The following OR1J2 variants were observed in gnomAD, a reference collection of about 807,000 sequenced individuals.
OR1J2 encodes olfactory receptor family 1 subfamily J member 2.
For synonymous variants in OR1J2, 142 were observed against 99.7 expected, an observed-to-expected ratio of 1.42 and a Z score of -2.52; for missense variants, 304 against 246.1, an observed-to-expected ratio of 1.24 and a Z score of -1.57.
the OR1J2 span, among the ~76,000 whole-genome samples, chr9:122,551,553 G>A: frequency 6.6e-6 from 1 of 152,278 alleles, no homozygotes; most frequent in South Asian, 2.1e-4. Flanking sequence ...GTGCTGACTT[G>A]CCTAATGCAT....
chr9:122,491,842 C>T, the OR1J2 span, among the ~76,000 whole-genome samples: 10 of 152,028 alleles, frequency 6.6e-5, no homozygotes, highest in East Asian at 1.5e-3. Flanking sequence ...CTATAAACCA[C>T]GCAGCTCATC....
At chr9:122,501,695 A>AAAG in the OR1J2 span, among the ~76,000 whole-genome samples, 1 of 152,224 alleles carries the variant, frequency 6.6e-6, no homozygotes, top group Admixed American at 6.5e-5. Flanking sequence ...ACAGAGAATG[A>AAAG]AAGAACATTG....
the OR1J2 span, among the ~76,000 whole-genome samples, chr9:122,481,208 C>T: frequency 6.6e-6 from 1 of 152,104 alleles, no homozygotes; most frequent in Non-Finnish European, 1.5e-5. Context: ...TTTTCTTTTC[C>T]TGTGTTAGTT....
At chr9:122,472,437 C>G in the OR1J2 span, among the ~76,000 whole-genome samples, 1 of 152,208 alleles carries the variant, frequency 6.6e-6, no homozygotes, top group South Asian at 2.1e-4. Context: ...ACTCTTAAGA[C>G]CCAACTGGCA....
At chr9:122,522,887 G>A in the OR1J2 span, among the ~76,000 whole-genome samples, 3 of 152,254 alleles carry the variant, frequency 2.0e-5, no homozygotes, top group Non-Finnish European at 4.4e-5. Flanking sequence ...ATAACACCAC[G>A]AATAGTTGTG....
the OR1J2 span, among the ~76,000 whole-genome samples, chr9:122,555,583 T>A: frequency 6.6e-5 from 10 of 152,134 alleles, no homozygotes; most frequent in Admixed American, 6.5e-4. Flanking sequence ...AGCTACACCA[T>A]GCCATTTACA....
At chr9:122,522,270 C>G in the OR1J2 span, among the ~76,000 whole-genome samples, 1 of 152,122 alleles carries the variant, frequency 6.6e-6, no homozygotes, top group African/African-American at 2.4e-5. Flanking sequence ...ATGGACGTTT[C>G]AAGTGACCAG....
chr9:122,454,825 T>G, the OR1J2 span, among the ~76,000 whole-genome samples: 2 of 152,252 alleles, frequency 1.3e-5, no homozygotes, highest in African/African-American at 4.8e-5. Flanking sequence ...TTTAGGAATA[T>G]GCACAGTCAA....
chr9:122,486,261 A>G, the OR1J2 span, among the ~76,000 whole-genome samples: 2 of 152,180 alleles, frequency 1.3e-5, no homozygotes, highest in African/African-American at 2.4e-5. Flanking sequence ...TGCCCAGCCA[A>G]TGTAGGCATT....
At chr9:122,462,125 A>G in the OR1J2 span, among the ~76,000 whole-genome samples, 23 of 152,110 alleles carry the variant, frequency 1.5e-4, no homozygotes, top group Admixed American at 4.6e-4. Context: ...TATATGTGGA[A>G]TTGTCATATT....
the OR1J2 span, among the ~76,000 whole-genome samples, chr9:122,469,747 C>T: frequency 0.027 from 4,141 of 152,238 alleles, 93 homozygotes; most frequent in East Asian, 0.071. Context: ...ACAATGAAAT[C>T]CAGGCTGAGG....
the OR1J2 span, among the ~76,000 whole-genome samples, chr9:122,493,995 GTTTCC>G: frequency 6.6e-6 from 1 of 152,232 alleles, no homozygotes; most frequent in South Asian, 2.1e-4. Flanking sequence ...TGATTTTAAG[GTTTCC>G]TTTTGGAGTT....
the OR1J2 span, among the ~76,000 whole-genome samples, chr9:122,529,729 C>G: frequency 0.58 from 88,321 of 152,058 alleles, 27,596 homozygotes; most frequent in East Asian, 0.87. Context: ...GGCAATCCTT[C>G]CCTCTGTCAT....
chr9:122,464,642 C>G, the OR1J2 span, among the ~76,000 whole-genome samples: 1 of 152,184 alleles, frequency 6.6e-6, no homozygotes, highest in Non-Finnish European at 1.5e-5. Context: ...GTGAGAGTAC[C>G]TTTGGAAAAG....
chr9:122,539,414 T>C, the OR1J2 span, among the ~76,000 whole-genome samples: 3 of 152,182 alleles, frequency 2.0e-5, no homozygotes, highest in East Asian at 5.8e-4. Context: ...GGTTTCCAGC[T>C]TCACCCATGT....
chr9:122,501,019 A>G, the OR1J2 span, among the ~76,000 whole-genome samples: 1 of 152,218 alleles, frequency 6.6e-6, no homozygotes, highest in Admixed American at 6.5e-5. Context: ...GAAAGAACAC[A>G]ATAAAAATGA....
chr9:122,477,934 T>C, the OR1J2 span: 1 of 1,571,530 alleles, frequency 6.4e-7, no homozygotes, highest in Non-Finnish European at 8.6e-7. Flanking sequence ...CATGTTTATA[T>C]CAGCTGGAGG....
At chr9:122,542,699 G>A in the OR1J2 span, among the ~76,000 whole-genome samples, 1 of 152,016 alleles carries the variant, frequency 6.6e-6, no homozygotes, top group Non-Finnish European at 1.5e-5. Flanking sequence ...TACATAAAAT[G>A]TACCTATTTT....
At chr9:122,576,369 G>T in the OR1J2 span, among the ~76,000 whole-genome samples, 1 of 150,756 alleles carries the variant, frequency 6.6e-6, no homozygotes, top group African/African-American at 2.4e-5. Flanking sequence ...TTACAGGTGT[G>T]AGCCACCACG....
Sources: allele counts gnomAD v4.1 joint callset (sites outside exome capture counted in the v4.1 genomes callset), GRCh38; gene constraint gnomAD v4.1.1; transcripts MANE v1.5; gene names NCBI Gene and HGNC (gene_info 2026-07-23, HGNC 2026-07-21).